Variants in GARIN1A observed in about 807,000 individuals in gnomAD.
The protein encoded by GARIN1A is Golgi-associated RAB2 interactor protein 1A.
chr7:128,682,184 G>A, the GARIN1A span, among the ~76,000 whole-genome samples: 1 of 152,122 alleles, frequency 6.6e-6, no homozygotes. Context: ...TTCAGCTTAA[G>A]GAAAAGGAGC....
At chr7:128,699,260 G>GC in the GARIN1A span, among the ~76,000 whole-genome samples, 7,103 of 104,194 alleles carry the variant, frequency 0.068, 838 homozygotes, top group Non-Finnish European at 0.092. Context: ...CATACCTGCT[G>GC]CCCCCCCCCC....
the GARIN1A span, among the ~76,000 whole-genome samples, chr7:128,699,260 G>GA: frequency 9.5e-6 from 1 of 105,012 alleles, no homozygotes; most frequent in Non-Finnish European, 2.0e-5. Context: ...CATACCTGCT[G>GA]CCCCCCCCCC....
the GARIN1A span, chr7:128,683,013 C>T: frequency 6.2e-7 from 1 of 1,610,464 alleles, no homozygotes. Flanking sequence ...CTACAAGATA[C>T]CCTCTCCAGT....
the GARIN1A span, among the ~76,000 whole-genome samples, chr7:128,677,291 AG>A: frequency 6.6e-6 from 1 of 150,800 alleles, no homozygotes; most frequent in Non-Finnish European, 1.5e-5. Context: ...GCGGATCACG[AG>A]GTCAGGAGAT....
chr7:128,677,389 C>T, the GARIN1A span, among the ~76,000 whole-genome samples: 40,929 of 151,464 alleles, frequency 0.27, 5,873 homozygotes, highest in East Asian at 0.54. Context: ...CGCCTGTAGT[C>T]CCAGCTACTC....
At chr7:128,699,260 G>C in the GARIN1A span, among the ~76,000 whole-genome samples, 4 of 105,004 alleles carry the variant, frequency 3.8e-5, no homozygotes, top group Admixed American at 1.9e-4. Flanking sequence ...CATACCTGCT[G>C]CCCCCCCCCC....
At chr7:128,691,811 C>T in the GARIN1A span, 1 of 152,444 alleles carries the variant, frequency 6.6e-6, no homozygotes, top group Non-Finnish European at 1.5e-5. Context: ...CTGCTCCTCT[C>T]GTGGTGGCTT....
At chr7:128,673,138 A>G in the GARIN1A span, among the ~76,000 whole-genome samples, 150,465 of 152,282 alleles carry the variant, frequency 0.99, 74,351 homozygotes, top group Middle Eastern at 1. Flanking sequence ...GCCTGAACCC[A>G]TGCTCCTGCG....
the GARIN1A span, among the ~76,000 whole-genome samples, chr7:128,677,390 C>A: frequency 6.6e-6 from 1 of 151,460 alleles, no homozygotes; most frequent in African/African-American, 2.4e-5. Flanking sequence ...GCCTGTAGTC[C>A]CAGCTACTCA....
the GARIN1A span, among the ~76,000 whole-genome samples, chr7:128,705,200 C>A: frequency 4.6e-5 from 7 of 152,224 alleles, 1 homozygote; most frequent in Admixed American, 2.0e-4. Context: ...ACATTTCCCT[C>A]ATGAACATAC....
At chr7:128,685,463 G>C in the GARIN1A span, 1 of 152,242 alleles carries the variant, frequency 6.6e-6, no homozygotes, top group East Asian at 1.9e-4. Flanking sequence ...ATCCTATGTG[G>C]TGCAGAAAGA....
the GARIN1A span, among the ~76,000 whole-genome samples, chr7:128,681,039 A>C: frequency 6.6e-6 from 1 of 152,268 alleles, no homozygotes; most frequent in Non-Finnish European, 1.5e-5. Context: ...GGTATCATCA[A>C]AATGCAAATT....
chr7:128,672,566 T>C, the GARIN1A span: 1 of 1,551,014 alleles, frequency 6.4e-7, no homozygotes, highest in Non-Finnish European at 8.7e-7. Flanking sequence ...CTCGTGGAGC[T>C]CAGGGCCAGC....
chr7:128,685,244 C>T, the GARIN1A span: 1 of 152,234 alleles, frequency 6.6e-6, no homozygotes, highest in Non-Finnish European at 1.5e-5. Context: ...TGTCAGGCTC[C>T]TGCTAGGTGC....
chr7:128,677,574 C>G, the GARIN1A span: 4 of 1,607,192 alleles, frequency 2.5e-6, no homozygotes, highest in Admixed American at 1.7e-5. Flanking sequence ...GCTTCTCCCC[C>G]TGAAGTACGT....
chr7:128,706,845 G>C, the GARIN1A span, among the ~76,000 whole-genome samples: 1 of 152,128 alleles, frequency 6.6e-6, no homozygotes, highest in Non-Finnish European at 1.5e-5. Flanking sequence ...TCACACAGCA[G>C]GCAGTAAGGC....
chr7:128,699,734 CAAGTTTGTT>C, the GARIN1A span, among the ~76,000 whole-genome samples: 1 of 152,112 alleles, frequency 6.6e-6, no homozygotes, highest in African/African-American at 2.4e-5. Context: ...TCTATTAAAT[CAAGTTTGTT>C]AATCATGTTT....
the GARIN1A span, among the ~76,000 whole-genome samples, chr7:128,689,071 G>C: frequency 6.6e-6 from 1 of 151,810 alleles, no homozygotes; most frequent in Non-Finnish European, 1.5e-5. Flanking sequence ...CCGAGGTGCC[G>C]GGATTGCAGA....
the GARIN1A span, among the ~76,000 whole-genome samples, chr7:128,696,827 A>G: frequency 3.9e-5 from 6 of 152,230 alleles, no homozygotes; most frequent in Non-Finnish European, 7.3e-5. Context: ...TGGAAGCCCT[A>G]CAGAGAATAA....
Sources: allele counts gnomAD v4.1 joint callset (sites outside exome capture counted in the v4.1 genomes callset), GRCh38; gene constraint gnomAD v4.1.1; transcripts MANE v1.5; gene names NCBI Gene and HGNC (gene_info 2026-07-23, HGNC 2026-07-21).